KCND2: variants seen among roughly 807,000 people sequenced by gnomAD.
KCND2 encodes the protein A-type voltage-gated potassium channel KCND2.
A neutral mutation model predicts 54.4 loss-of-function variants in KCND2; 16 were observed. The ratio of observed to expected loss-of-function variants is 0.29; its 90% confidence interval spans 0.20 to 0.45. KCND2 has a LOEUF of 0.45. Ranked by LOEUF, KCND2 falls within the 20% of genes least tolerant of loss-of-function variation. The probability of loss-of-function intolerance (pLI) is 1.00; values close to 1 mark genes in which losing one functional copy is unlikely to be tolerated. For synonymous variants in KCND2, 317 were observed against 310.7 expected (o/e 1.02, Z -0.21); for missense variants, 486 against 824.2 (o/e 0.59, Z 5.02).
At chr7:120,439,161 T>A (rs968740406) in intron 1 of KCND2, among the ~76,000 whole-genome samples, 1 of 152,068 alleles carries the variant, frequency 6.6e-6, no homozygotes, top group African/African-American at 2.4e-5. Context: ...AAATTATGGT[T>A]CTTTAAATTT....
At chr7:120,375,665 T>C (rs1800826687) in intron 1 of KCND2, among the ~76,000 whole-genome samples, 2 of 151,842 alleles carry the variant, frequency 1.3e-5, no homozygotes, top group South Asian at 4.1e-4. Context: ...CAGTTAAAGC[T>C]AATGAACCAT....
intron 1 of KCND2, among the ~76,000 whole-genome samples, chr7:120,655,042 C>G (rs1791783881): frequency 6.6e-6 from 1 of 151,574 alleles, no homozygotes; most frequent in Non-Finnish European, 1.5e-5. Flanking sequence ...ACCTAAAACA[C>G]AGAATATCAT....
chr7:120,503,234 T>G (rs912066798), intron 1 of KCND2, among the ~76,000 whole-genome samples: 21 of 152,074 alleles, frequency 1.4e-4, no homozygotes, highest in Admixed American at 3.9e-4. Flanking sequence ...TTGTGTGATT[T>G]TGCTACAGTT....
In KCND2 at chr7:120,464,024, T is replaced by A. The variant is rs529643092; in HGVS notation, c.1115+188277T>A. The A allele has an allele frequency of 3.7e-4, 367 of 983,896 alleles. 2 individuals carry two copies. Among genetic ancestry groups the A allele is most frequent in the South Asian group, 1.5e-3 (32 of 21,250 alleles). The allele number at this position is 983,896 out of a possible 1,614,324, so 60.9% of individuals were successfully genotyped here. A position where few individuals can be genotyped will look rare whatever the true frequency, so the allele number is the denominator to read the frequency against. ...AAAATGTTTCTTAGTTTTGTTTTTT[T>A]TTTTTTTTCTTGCAGTTGAGCCTTT... On this transcript the variant is annotated intron_variant, in intron 1 of 5. Coordinates refer to ENST00000331113, the MANE Select transcript of KCND2 (RefSeq NM_012281.3).
intron 1 of KCND2, among the ~76,000 whole-genome samples, chr7:120,655,272 T>C (rs1424408760): frequency 6.6e-6 from 1 of 151,996 alleles, no homozygotes; most frequent in African/African-American, 2.4e-5. Context: ...AAGGGATGAA[T>C]CCTGTATTTG....
intron 1 of KCND2, among the ~76,000 whole-genome samples, chr7:120,507,334 G>A (rs1562858485): frequency 2.0e-5 from 3 of 151,788 alleles, no homozygotes; most frequent in Non-Finnish European, 4.4e-5. Context: ...AACCTATGTG[G>A]CAGAGACTTC....
At chr7:120,675,404 T>C (rs1792047571) in intron 1 of KCND2, among the ~76,000 whole-genome samples, 1 of 151,860 alleles carries the variant, frequency 6.6e-6, no homozygotes, top group Non-Finnish European at 1.5e-5. Flanking sequence ...TTTTCTCTTT[T>C]TTTTTTTTAT....
At chr7:120,671,661 C>T (rs1292537853) in intron 1 of KCND2, among the ~76,000 whole-genome samples, 1 of 152,108 alleles carries the variant, frequency 6.6e-6, no homozygotes, top group African/African-American at 2.4e-5. Context: ...ATCTTATCAT[C>T]ATTCCACAGC....
intron 1 of KCND2, among the ~76,000 whole-genome samples, chr7:120,498,315 A>G (rs920217847): frequency 3.9e-5 from 6 of 152,138 alleles, no homozygotes; most frequent in Non-Finnish European, 8.8e-5. Flanking sequence ...CCCCGTGTCT[A>G]CTAAAAATAT....
At chr7:120,647,845 G>A (rs992057236) in intron 1 of KCND2, among the ~76,000 whole-genome samples, 5 of 152,192 alleles carry the variant, frequency 3.3e-5, no homozygotes, top group African/African-American at 1.2e-4. Context: ...ACATTTAGCA[G>A]TAACGTTAGA....
intron 1 of KCND2, among the ~76,000 whole-genome samples, chr7:120,438,704 A>C (rs962294844): frequency 1.3e-5 from 2 of 152,134 alleles, no homozygotes; most frequent in African/African-American, 4.8e-5. Context: ...TCATAATGTC[A>C]CACATGAAAA....
intron 1 of KCND2, among the ~76,000 whole-genome samples, chr7:120,417,224 A>G (rs1035533229): frequency 6.6e-6 from 1 of 152,220 alleles, no homozygotes; most frequent in Non-Finnish European, 1.5e-5. Flanking sequence ...AATAGATAGG[A>G]CATCTCATTC....
intron 1 of KCND2, among the ~76,000 whole-genome samples, chr7:120,307,880 A>C (rs1799671129): frequency 6.6e-6 from 1 of 152,256 alleles, no homozygotes; most frequent in South Asian, 2.1e-4. Flanking sequence ...TTGAACAGAT[A>C]ATAGGAAATA....
intron 1 of KCND2, chr7:120,672,953 T>C (rs1168650247): frequency 6.6e-6 from 1 of 151,976 alleles, no homozygotes; most frequent in Non-Finnish European, 1.5e-5. Context: ...GACATGCATA[T>C]CTGTGAAGTG....
chr7:120,571,022 G>A (rs1342606008), intron 1 of KCND2, among the ~76,000 whole-genome samples: 1 of 152,160 alleles, frequency 6.6e-6, no homozygotes, highest in Non-Finnish European at 1.5e-5. Context: ...AGTCTCCGCT[G>A]TCTTACCATT....
chr7:120,508,213 AAAG>A (rs1281783600), intron 1 of KCND2, among the ~76,000 whole-genome samples: 1 of 152,030 alleles, frequency 6.6e-6, no homozygotes, highest in Non-Finnish European at 1.5e-5. Context: ...TTATAATTAA[AAAG>A]AATCACTTTT....
At chr7:120,512,085 G>C (rs1184408244) in intron 1 of KCND2, among the ~76,000 whole-genome samples, 2 of 152,066 alleles carry the variant, frequency 1.3e-5, no homozygotes, top group Non-Finnish European at 2.9e-5. Flanking sequence ...GAATAATTGA[G>C]AGTTGATTGT....
intron 1 of KCND2, among the ~76,000 whole-genome samples, chr7:120,289,563 C>T (rs1799405360): frequency 1.3e-5 from 2 of 152,002 alleles, no homozygotes; most frequent in Admixed American, 1.3e-4. Context: ...AATCTCATGT[C>T]CCTTTTCAGG....
At chr7:120,717,826 C>A (rs575662885) in intron 1 of KCND2, among the ~76,000 whole-genome samples, 1 of 152,142 alleles carries the variant, frequency 6.6e-6, no homozygotes, top group South Asian at 2.1e-4. Flanking sequence ...GGAATCCTAC[C>A]ATCATTTCTA....
Sources: gnomAD v4.1 joint callset for allele counts (sites outside exome capture counted in the v4.1 genomes callset) on GRCh38, gnomAD v4.1.1 for gene constraint, MANE v1.5 for transcripts, NCBI Gene and HGNC (gene_info 2026-07-23, HGNC 2026-07-21) for gene names.